The following PRR36 variants were observed in gnomAD, a reference collection of about 807,000 sequenced individuals.
The protein encoded by PRR36 is proline-rich protein 36.
In PRR36, 30 loss-of-function variants were observed where a neutral mutation model predicts 58.6. That is an observed-to-expected ratio of 0.51 (90% CI 0.38 to 0.69). The LOEUF is 0.69. Among genes scored for constraint, PRR36 ranks in the 30% least tolerant of loss-of-function variants. PRR36 has a pLI of 0.00. For missense variants in PRR36, 1,692 were observed against 1,805.6 expected (o/e 0.94, Z 1.14); for synonymous variants, 771 against 829.3 (o/e 0.93, Z 1.21).
rs749767385 is a variant in PRR36 at position 7,871,703 on chromosome 19, G to T, written c.1541C>A (p.Thr514Asn). ...SPPSLQATPH[T>N]LATLPLQDSP... ...GTCCTGCAGAGGAAGAGTGGCCAGA[G>T]TGTGGGGCGTGGCCTGGAGAGAGGG... The change falls in exon 5 of 6, where the codon ACT becomes AAT. Residue 514 changes from threonine (T) to asparagine (N), a missense_variant. Coordinates refer to ENST00000618550, the MANE Select transcript of PRR36 (RefSeq NM_001190467.2). 3 of 1,535,802 alleles carry T rather than the reference G, an allele frequency of 2.0e-6. No individual in the cohort carries two copies. In the South Asian group the frequency reaches 3.6e-5, roughly 18 times the overall value.
Position 7,869,306 on chromosome 19 carries a change from G to T in PRR36, c.3768C>A (p.Val1256=). ...GCGTCCGGCTCAGCAGGTGCTGCAC[G>T]ACGCTCGCCTGCAGCGCCCCCAGTG... is the stretch of plus-strand genomic sequence containing the variant. ...ELPLGALQAS[V]VQHLLSRTLL... is the part of the protein sequence containing the mutation. The change falls in exon 6 of 6, where the codon GTC becomes GTA. Residue 1256 remains valine (V), a synonymous_variant. Coordinates refer to ENST00000618550, the MANE Select transcript of PRR36 (RefSeq NM_001190467.2). 1 of 1,431,628 alleles carries T rather than the reference G, an allele frequency of 7.0e-7. No homozygotes were observed. The highest frequency in any genetic ancestry group is 9.1e-7 in the Non-Finnish European group (1 of 1,102,672). 88.7% of individuals were successfully genotyped at this position (1,431,628 alleles called of 1,614,324 possible).
chr19:7,869,615 T>G, intron 5 of PRR36, 71 bp from the exon 6 acceptor site: 1 of 1,477,488 alleles, frequency 6.8e-7, no homozygotes, highest in Non-Finnish European at 8.9e-7. Context: ...CCCGCCTCCT[T>G]GTCTAAGCTC....
chr19:7,874,000 C>T lies in PRR36; in HGVS notation c.-8+286G>A, dbSNP rs865867585. Among the ~76,000 whole-genome samples, 47 of 152,112 alleles carry T rather than the reference C, an allele frequency of 3.1e-4. No homozygotes were observed. The highest frequency in any genetic ancestry group is 3.2e-3 in the Middle Eastern group (1 of 316). On this transcript the variant is annotated intron_variant, in intron 1 of 5. Coordinates refer to ENST00000618550, the MANE Select transcript of PRR36 (RefSeq NM_001190467.2). The surrounding 1 kb of genome is among the most constrained non-coding windows in gnomAD (Gnocchi z 5.0). The stretch of plus-strand genomic sequence containing the variant: ...AGGACCGATCTCCACGCCCCTGCCC[C>T]TTGCCCCTTCAGGGACTCAGACCGC...
In PRR36 at chr19:7,871,070, G is replaced by A. The variant is rs1329481666; in HGVS notation, c.2174C>T (p.Pro725Leu). 2.6e-6 allele frequency: 4 copies of A among 1,520,616 alleles called. No homozygotes were observed. The South Asian group carries it at 3.7e-5, about 14-fold the overall frequency. The allele number at this position is 1,520,616 out of a possible 1,614,324, so 94.2% of individuals were successfully genotyped here. A position where few individuals can be genotyped will look rare whatever the true frequency, so the allele number is the denominator to read the frequency against. Residue 725 changes from proline to leucine, a missense_variant, in exon 5 of 6, where the codon CCT (proline) becomes CTT (leucine). Coordinates refer to ENST00000618550, the MANE Select transcript of PRR36 (RefSeq NM_001190467.2). The stretch of plus-strand genomic sequence containing the variant: ...AGGGGGTGTGGTCAGGGAAGCAGGA[G>A]GTGTCTGCAGAGAGGGTGGGGCTAG... Reference protein sequence around the residue: ...SSLAPPSLQTPPASLTTPPLE... With the variant: ...SSLAPPSLQTLPASLTTPPLE...
Position 7,870,533 on chromosome 19 carries a change from G to A in PRR36, c.2711C>T (p.Ser904Leu). 1 of 577,060 alleles carries A rather than the reference G, an allele frequency of 1.7e-6. No homozygotes were observed. The highest frequency in any genetic ancestry group is 2.2e-6 in the Non-Finnish European group (1 of 445,956). The allele number at this position is 577,060 out of a possible 1,614,324, so 35.7% of individuals were successfully genotyped here. A position where few individuals can be genotyped will look rare whatever the true frequency, so the allele number is the denominator to read the frequency against. The change falls in exon 5 of 6, where the codon TCA becomes TTA. Residue 904 changes from serine (S) to leucine (L), a missense_variant. Transcript: ENST00000618550. The stretch of plus-strand genomic sequence containing the variant: ...CGTGGCCGAAGGAGACACTGGGGGT[G>A]AGGCAGGGGGAGAGAAAGGGGCCTG... ...PVQAPFSPPA[S>L]PPVSPSATPP... is the part of the protein sequence containing the mutation.
At position 7,869,522 on chromosome 19, in the gene PRR36, G is replaced by A; in HGVS notation, c.3552C>T (p.Pro1184=). 4.0e-6 allele frequency: 6 copies of A among 1,518,966 alleles called. No homozygotes were observed. Among genetic ancestry groups the A allele is most frequent in the Non-Finnish European group, 4.4e-6 (5 of 1,139,522 alleles). The allele number at this position is 1,518,966 out of a possible 1,614,324, so 94.1% of individuals were successfully genotyped here. A position where few individuals can be genotyped will look rare whatever the true frequency, so the allele number is the denominator to read the frequency against. ...GAPGAPLPWP[P]ATGPGSADGL... ...CGTCAGCAGAGCCCGGTCCGGTAGC[G>A]GGAGGCCACGGCAGGGGCGCACCTG... The change falls in exon 6 of 6, where the codon CCC becomes CCT. Residue 1184 remains proline, a synonymous_variant. Transcript: ENST00000618550.
rs1250920305 is a variant in PRR36, at chr19:7,869,124, G to C, written c.3950C>G (p.Ala1317Gly). ...ELLSPLDESRASITSVTSFSP... is the reference protein window; with the variant it reads ...ELLSPLDESRGSITSVTSFSP... ...GAAGCTGGTGACCGAGGTGATGCTGGCACGGGACTCGTCCAGGGGAGACAG... is the reference window on the plus strand; with the variant it reads ...GAAGCTGGTGACCGAGGTGATGCTGCCACGGGACTCGTCCAGGGGAGACAG... Residue 1317 changes from alanine (A) to glycine (G), a missense_variant, in exon 6 of 6, where the codon GCC becomes GGC. Physicochemically the swap from Ala to Gly is moderately conservative, Grantham distance 60. This residue lies in a region of PRR36 where 485 missense variants were observed against 549.2 expected (regional missense o/e 0.88). Coordinates refer to ENST00000618550, the MANE Select transcript of PRR36 (RefSeq NM_001190467.2). The C allele has an allele frequency of 3.9e-6, 6 of 1,535,086 alleles. No individual in the cohort carries two copies. Among genetic ancestry groups the C allele is most frequent in the Middle Eastern group, 3.3e-4 (2 of 6,008 alleles).
rs1208281535 is a variant in PRR36, at chr19:7,869,388, C to A, written c.3686G>T (p.Gly1229Val). Residue 1229 changes from glycine to valine, a missense_variant, in exon 6 of 6, where the codon GGG becomes GTG. Transcript: ENST00000618550. The stretch of plus-strand genomic sequence containing the variant: ...CCGCGAGGACGCCCCGGCCCCGGCC[C>A]CAGCCGCCGCCTTCCCACCGCTCGT... ...PGTSGGKAAA[G>V]AGAGASSRSP... is the part of the protein sequence containing the mutation. The A allele has an allele frequency of 1.4e-6, 2 of 1,467,698 alleles. No homozygotes were observed. The highest frequency in any genetic ancestry group is 1.8e-6 in the Non-Finnish European group (2 of 1,119,052). The allele number at this position is 1,467,698 out of a possible 1,614,324, so 90.9% of individuals were successfully genotyped here. A position where few individuals can be genotyped will look rare whatever the true frequency, so the allele number is the denominator to read the frequency against.
Position 7,869,813 on chromosome 19 carries a change from G to A in PRR36, c.3431C>T (p.Ala1144Val). The part of the protein sequence containing the change: ...RGYDSGPEGG[A>V]AASPPPDAEL... ...TGCGTCGGGGGGCGGGGAGGCTGCG[G>A]CACCGCCCTCGGGCCCGCTGTCGTA... The change falls in exon 5 of 6, where the codon GCC becomes GTC. Residue 1144 changes from alanine (A) to valine (V), a missense_variant. Coordinates refer to ENST00000618550, the MANE Select transcript of PRR36 (RefSeq NM_001190467.2). The A allele has an allele frequency of 1.5e-6, 2 of 1,353,038 alleles. No homozygotes were observed. The highest frequency in any genetic ancestry group is 1.8e-5 in the South Asian group (1 of 55,308). 83.8% of individuals were successfully genotyped at this position (1,353,038 alleles called of 1,614,324 possible). A position where few individuals can be genotyped will look rare whatever the true frequency, so the allele number is the denominator to read the frequency against.
Position 7,873,684 on chromosome 19 carries a change from G to A in PRR36, c.6C>T (p.Asp2=), listed in dbSNP as rs550335446. 2.6e-6 allele frequency: 4 copies of A among 1,535,058 alleles called. No homozygotes were observed. The highest frequency in any genetic ancestry group is 1.2e-5 in the South Asian group (1 of 84,016). The change falls in exon 2 of 6, where the codon GAC becomes GAT. Residue 2 remains aspartate (D), a synonymous_variant. Coordinates refer to ENST00000618550, the MANE Select transcript of PRR36 (RefSeq NM_001190467.2). The surrounding 1 kb of genome is among the most constrained non-coding windows in gnomAD (Gnocchi z 5.0). ...CTGCCTTCGCCTTGTCTCTCTTGTT[G>A]TCCATCTTGCACCTGAAGAGACAAA... M[D]NKRDKAKAGA...
In PRR36 at chr19:7,872,265, G is replaced by A. The variant is rs1485749535; in HGVS notation, c.979C>T (p.Leu327=). The part of the protein sequence containing the change: ...VPPPDNAATP[L]PATLPPSPPV... ...GGAGAGGGAGGGAGCGTGGCTGGCA[G>A]GGGAGTGGCTGCATTGTCGGGAGGC... The change falls in exon 5 of 6, where the codon CTG becomes TTG. Residue 327 remains leucine, a synonymous_variant. Coordinates refer to ENST00000618550, the MANE Select transcript of PRR36 (RefSeq NM_001190467.2). This position sits in a 1 kb window ranked among gnomAD's most constrained non-coding sequence, Gnocchi z 6.1. 1.4e-6 allele frequency: 2 copies of A among 1,457,156 alleles called. No individual in the cohort carries two copies. Among genetic ancestry groups the A allele is most frequent in the Non-Finnish European group, 1.8e-6 (2 of 1,110,980 alleles). 90.3% of individuals were successfully genotyped at this position (1,457,156 alleles called of 1,614,324 possible). A position where few individuals can be genotyped will look rare whatever the true frequency, so the allele number is the denominator to read the frequency against.
In PRR36 at chr19:7,871,185, G is replaced by C; in HGVS notation, c.2059C>G (p.Pro687Ala). Reference sequence around the variant, plus strand: ...GCCAGAGAAGATAGCGCCTGCAGAGGGTGTATGGTCAGGGGTGAGCTTAGG... The same window carrying C: ...GCCAGAGAAGATAGCGCCTGCAGAGCGTGTATGGTCAGGGGTGAGCTTAGG... Reference protein sequence around the residue: ...SPLSSPLTIHPLQALSSLASH... With the variant: ...SPLSSPLTIHALQALSSLASH... The change falls in exon 5 of 6, where the codon CCT becomes GCT. Residue 687 changes from proline to alanine, a missense_variant. This residue lies in a region of PRR36 where 975 missense variants were observed against 955.2 expected (regional missense o/e 1.02). Coordinates refer to ENST00000618550, the MANE Select transcript of PRR36 (RefSeq NM_001190467.2). 2.6e-6 allele frequency: 4 copies of C among 1,535,016 alleles called. No individual in the cohort carries two copies. The highest frequency in any genetic ancestry group is 3.5e-6 in the Non-Finnish European group (4 of 1,146,640).
chr19:7,868,763 G>T lies in PRR36; in HGVS notation c.*270C>A. On this transcript the variant is annotated 3_prime_UTR_variant, in exon 6 of 6. Transcript: ENST00000618550. ...GTTTTATTGCAAACTCAGGCTGTGC[G>T]GGGTGGGCAATACACTGCACACGGG... 1 of 389,604 alleles carries T rather than the reference G, an allele frequency of 2.6e-6. No individual in the cohort carries two copies. Among genetic ancestry groups the T allele is most frequent in the Non-Finnish European group, 4.6e-6 (1 of 217,944 alleles). The allele number at this position is 389,604 out of a possible 1,614,324, so 24.1% of individuals were successfully genotyped here. A position where few individuals can be genotyped will look rare whatever the true frequency, so the allele number is the denominator to read the frequency against.
chr19:7,869,407 C>T lies in PRR36; in HGVS notation c.3667G>A (p.Gly1223Ser). The change falls in exon 6 of 6, where the codon GGT (glycine) becomes AGT (serine). Residue 1223 changes from glycine (G) to serine (S), a missense_variant. Gly to Ser is a moderately conservative substitution (Grantham distance 56). Transcript: ENST00000618550. ...LDPGPSPGTS[G>S]GKAAAGAGAG... is the part of the protein sequence containing the mutation. ...CCGGCCCCAGCCGCCGCCTTCCCAC[C>T]GCTCGTGCCGGGACTGGGCCCCGGA... 5.4e-6 allele frequency: 8 copies of T among 1,482,218 alleles called. No individual in the cohort carries two copies. Among genetic ancestry groups the T allele is most frequent in the Non-Finnish European group, 6.2e-6 (7 of 1,125,070 alleles). 91.8% of individuals were successfully genotyped at this position (1,482,218 alleles called of 1,614,324 possible). A position where few individuals can be genotyped will look rare whatever the true frequency, so the allele number is the denominator to read the frequency against.
rs1413815527 is a variant in PRR36 at position 7,871,507 on chromosome 19, C to T, written c.1737G>A (p.Pro579=). The T allele has an allele frequency of 6.6e-7, 1 of 1,521,960 alleles. No individual in the cohort carries two copies. Among genetic ancestry groups the T allele is most frequent in the Non-Finnish European group, 8.8e-7 (1 of 1,142,476 alleles). 94.3% of individuals were successfully genotyped at this position (1,521,960 alleles called of 1,614,324 possible). A position where few individuals can be genotyped will look rare whatever the true frequency, so the allele number is the denominator to read the frequency against. ...PSMTTPPMQA[P]PSLQTIPPIQ... ...TTGGGGGAATGGTCTGGAGAGAGGG[C>T]GGGGCCTGCATAGGGGGCGTAGTCA... The change falls in exon 5 of 6, where the codon CCG becomes CCA. Residue 579 remains proline, a synonymous_variant. Coordinates refer to ENST00000618550, the MANE Select transcript of PRR36 (RefSeq NM_001190467.2).
Position 7,872,977 on chromosome 19 carries a change from G to A in PRR36, c.375-16C>T. ...AGGGCCTGGCCTGGAGACAGAAGGGGCCACGCTCAGGCCTAGGTCTTTGTT... is the reference window on the plus strand; with the variant it reads ...AGGGCCTGGCCTGGAGACAGAAGGGACCACGCTCAGGCCTAGGTCTTTGTT... On this transcript the variant is annotated splice_polypyrimidine_tract_variant and intron_variant, in intron 3 of 5. Coordinates refer to ENST00000618550, the MANE Select transcript of PRR36 (RefSeq NM_001190467.2). This position sits in a 1 kb window ranked among gnomAD's most constrained non-coding sequence, Gnocchi z 6.1. 6.6e-7 allele frequency: 1 copy of A among 1,524,836 alleles called. No individual in the cohort carries two copies. The highest frequency in any genetic ancestry group is 8.8e-7 in the Non-Finnish European group (1 of 1,137,070). The allele number at this position is 1,524,836 out of a possible 1,614,324, so 94.5% of individuals were successfully genotyped here.
chr19:7,870,935 GTCTGC>G lies in PRR36; in HGVS notation c.2304_2308del (p.Gln769SerfsTer235). 9 of 1,392,624 alleles carry G rather than the reference GTCTGC, an allele frequency of 6.5e-6. No homozygotes were observed. Among genetic ancestry groups the G allele is most frequent in the African/African-American group, 1.5e-5 (1 of 68,420 alleles). The allele number at this position is 1,392,624 out of a possible 1,614,324, so 86.3% of individuals were successfully genotyped here. ...GGGTGTGGTCAGGGGAGCAGAAGCT[GTCTGC>G]AGAGGAGGCGGGGCTAGAGAAGGTA... On this transcript the variant is annotated frameshift_variant, in exon 5 of 6. Transcript: ENST00000618550. LOFTEE classifies it high-confidence loss of function.
rs1252401203 is a variant in PRR36, at chr19:7,872,395, A to C, written c.849T>G (p.Pro283=). 59 of 1,449,342 alleles carry C rather than the reference A, an allele frequency of 4.1e-5. No homozygotes were observed. Among genetic ancestry groups the C allele is most frequent in the Non-Finnish European group, 5.1e-5 (56 of 1,107,138 alleles). 89.8% of individuals were successfully genotyped at this position (1,449,342 alleles called of 1,614,324 possible). The change falls in exon 5 of 6, where the codon CCT becomes CCG. Residue 283 remains proline (P), a synonymous_variant. Transcript: ENST00000618550. The surrounding 1 kb of genome is among the most constrained non-coding windows in gnomAD (Gnocchi z 6.1). ...KPKGLQALRP[P]QVTPPRKDAA... is the part of the protein sequence containing the mutation. ...CGTCCTTCCTTGGGGGTGTGACCTG[A>C]GGGGGTCGCAGAGCCTGCAGTCCTT...
At position 7,873,482 on chromosome 19, in the gene PRR36, T is replaced by C. The variant is rs1300207214; in HGVS notation, c.208A>G (p.Ile70Val). 1 of 1,535,006 alleles carries C rather than the reference T, an allele frequency of 6.5e-7. No individual in the cohort carries two copies. Among genetic ancestry groups the C allele is most frequent in the Middle Eastern group, 1.7e-4 (1 of 5,788 alleles). Residue 70 changes from isoleucine to valine, a missense_variant, in exon 2 of 6, where the codon ATT becomes GTT. Around this residue, in one of 5 missense-constraint regions of PRR36, gnomAD observed 975 missense variants for 955.2 expected, o/e 1.02. Coordinates refer to ENST00000618550, the MANE Select transcript of PRR36 (RefSeq NM_001190467.2). The surrounding 1 kb of genome is among the most constrained non-coding windows in gnomAD (Gnocchi z 5.0). ...ERAGGIGGAT[I>V]PESAPRAGPT... Reference sequence around the variant, plus strand: ...CCCGCTCGGGGAGCAGACTCGGGAATAGTGGCCCCGCCGATGCCCCCCGCT... The same window carrying C: ...CCCGCTCGGGGAGCAGACTCGGGAACAGTGGCCCCGCCGATGCCCCCCGCT...
Sources: gnomAD v4.1 joint callset for allele counts (sites outside exome capture counted in the v4.1 genomes callset) on GRCh38, gnomAD v4.1.1 for gene constraint, gnomAD v4.1.1 regional missense constraint, Gnocchi (gnomAD v3.1) non-coding constraint, MANE v1.5 for transcripts, NCBI Gene and HGNC (gene_info 2026-07-23, HGNC 2026-07-21) for gene names.